The following SCFD1 variants were observed in gnomAD, a reference collection of about 807,000 sequenced individuals.
The protein encoded by SCFD1 is sec1 family domain containing 1.
SCFD1 carries 37 observed loss-of-function variants against 103.2 expected under a neutral mutation model. The ratio of observed to expected loss-of-function variants is 0.36; its 90% confidence interval spans 0.28 to 0.47. The LOEUF is 0.47. Among genes scored for constraint, SCFD1 ranks in the 20% least tolerant of loss-of-function variants. The pLI is 1.00. For missense variants in SCFD1, 639 were observed against 761.2 expected (o/e 0.84, Z 1.89); for synonymous variants, 264 against 245.0 (o/e 1.08, Z -0.73).
intron 14 of SCFD1, among the ~76,000 whole-genome samples, chr14:30,690,672 C>T (rs1193382364): frequency 2.0e-5 from 3 of 148,180 alleles, no homozygotes; most frequent in Non-Finnish European, 3.0e-5. Flanking sequence ...CTTCGGCTCG[C>T]GCACGGTGCG....
chr14:30,656,512 C>T (rs1382849033), intron 10 of SCFD1, among the ~76,000 whole-genome samples: 2 of 152,026 alleles, frequency 1.3e-5, no homozygotes, highest in African/African-American at 4.8e-5. Flanking sequence ...TCTCTAGGTG[C>T]CAGTGGAACT....
chr14:30,724,588 G>A, intron 23 of SCFD1, among the ~76,000 whole-genome samples: 1 of 152,030 alleles, frequency 6.6e-6, no homozygotes, highest in Non-Finnish European at 1.5e-5. Context: ...CCTTATAGAT[G>A]CGGGATATTA....
chr14:30,626,252 G>A (rs1485255459), intron 1 of SCFD1, among the ~76,000 whole-genome samples: 1 of 151,978 alleles, frequency 6.6e-6, no homozygotes, highest in Non-Finnish European at 1.5e-5. Flanking sequence ...TTGGTAATGT[G>A]TATTTTTGGC....
At chr14:30,709,675 G>A (rs148027496) in intron 19 of SCFD1, among the ~76,000 whole-genome samples, 57 of 152,228 alleles carry the variant, frequency 3.7e-4, no homozygotes, top group Non-Finnish European at 7.5e-4. Context: ...TAGACTATAT[G>A]TGAAAAGGCA....
At chr14:30,651,503 G>A (rs1451599303) in intron 9 of SCFD1, among the ~76,000 whole-genome samples, 1 of 150,888 alleles carries the variant, frequency 6.6e-6, no homozygotes, top group African/African-American at 2.4e-5. Context: ...TTCATTTCTG[G>A]TCTTAAGTAT....
At chr14:30,703,954 TATATATATAA>T (rs59637008) in intron 17 of SCFD1, among the ~76,000 whole-genome samples, 926 of 55,862 alleles carry the variant, frequency 0.017, 54 homozygotes, top group African/African-American at 0.081. Context: ...TATATATATA[TATATATATAA>T]ATAATGAGAT....
chr14:30,684,396 C>T (rs1251630998), intron 14 of SCFD1, among the ~76,000 whole-genome samples: 2 of 152,176 alleles, frequency 1.3e-5, no homozygotes, highest in Non-Finnish European at 2.9e-5. Context: ...TTGTTCTTTC[C>T]AAACCCTGTG....
chr14:30,698,945 G>A (rs1469530500), intron 15 of SCFD1, among the ~76,000 whole-genome samples: 2 of 152,166 alleles, frequency 1.3e-5, no homozygotes, highest in Non-Finnish European at 2.9e-5. Flanking sequence ...CTGACCACTG[G>A]TTCATGGGAC....
chr14:30,638,024 T>G, intron 4 of SCFD1, 101 bp from the exon 5 acceptor site: 1 of 1,317,596 alleles, frequency 7.6e-7, no homozygotes. Context: ...GTCATTTAAA[T>G]ATCCTGTCTT....
rs1005013668 is a variant in SCFD1 at position 30,709,410 on chromosome 14, T to G, written c.1629+1345T>G. Among the ~76,000 whole-genome samples the G allele has an allele frequency of 2.6e-5, 4 of 152,266 alleles. 1 individual carries two copies. The Middle Eastern group carries it at 0.01, about 388-fold the overall frequency. The stretch of plus-strand genomic sequence containing the variant: ...GCCACACCTGGCTAATCTTTGTATA[T>G]TTTGTAGAGATGGGGTTTCACTATG... On this transcript the variant is annotated intron_variant, in intron 19 of 24. Coordinates refer to ENST00000458591, the MANE Select transcript of SCFD1 (RefSeq NM_016106.4).
rs1481356832 is a variant in SCFD1 at position 30,625,724 on chromosome 14, T to G, written c.62-2485T>G. Among the ~76,000 whole-genome samples the G allele has an allele frequency of 2.6e-5, 2 of 77,082 alleles. 1 individual carries two copies. The highest frequency in any genetic ancestry group is 2.6e-4 in the African/African-American group (2 of 7,792). The allele number at this position is 77,082 out of a possible 152,430, so 50.6% of individuals were successfully genotyped here. On this transcript the variant is annotated intron_variant, in intron 1 of 24. Transcript: ENST00000458591. ...ATAGGTATATAGGTATATAGGTATA[T>G]AGGTATATCAATAGGTATATTGATA... is the stretch of plus-strand genomic sequence containing the variant.
chr14:30,730,878 G>T (rs1016935085), intron 23 of SCFD1, among the ~76,000 whole-genome samples: 6 of 152,018 alleles, frequency 3.9e-5, no homozygotes, highest in African/African-American at 1.5e-4. Context: ...GTCAATTTTG[G>T]CTTTTGTTGC....
intron 14 of SCFD1, chr14:30,676,438 G>A (rs2139232370): frequency 6.6e-6 from 1 of 152,312 alleles, no homozygotes; most frequent in South Asian, 2.1e-4. Context: ...ACAGCAGGGT[G>A]ATGTGAGGCA....
chr14:30,673,438 G>T, intron 12 of SCFD1, 91 bp downstream of exon 12: 1 of 592,200 alleles, frequency 1.7e-6, no homozygotes, highest in South Asian at 3.1e-5. Flanking sequence ...TATAAAAATT[G>T]AAGGCCATTT....
chr14:30,669,209 C>T (rs1013804123), intron 10 of SCFD1, among the ~76,000 whole-genome samples: 1 of 152,002 alleles, frequency 6.6e-6, no homozygotes, highest in South Asian at 2.1e-4. Context: ...CTAAAGGAGA[C>T]TGAATTGCAT....
At chr14:30,719,421 C>G in intron 21 of SCFD1, 44 bp downstream of exon 21, 2 of 1,421,906 alleles carry the variant, frequency 1.4e-6, no homozygotes, top group Non-Finnish European at 2.0e-6. Context: ...TTTTTCCCCT[C>G]GAGAATGGAA....
At chr14:30,710,650 T>G (rs1891807483) in intron 19 of SCFD1, among the ~76,000 whole-genome samples, 1 of 152,124 alleles carries the variant, frequency 6.6e-6, no homozygotes, top group African/African-American at 2.4e-5. Context: ...TTAATAAATA[T>G]TACCAAATTA....
chr14:30,720,293 G>A (rs1407096910), intron 21 of SCFD1, among the ~76,000 whole-genome samples: 6 of 152,130 alleles, frequency 3.9e-5, no homozygotes, highest in African/African-American at 1.4e-4. Flanking sequence ...GATGAGGATT[G>A]ACTGCTAATG....
intron 6 of SCFD1, among the ~76,000 whole-genome samples, chr14:30,642,492 C>T (rs1296516396): frequency 6.6e-6 from 1 of 152,184 alleles, no homozygotes; most frequent in Non-Finnish European, 1.5e-5. Context: ...AATTTTTCCC[C>T]ATATTCCCTG....
Sources: gnomAD v4.1 joint callset for allele counts (sites outside exome capture counted in the v4.1 genomes callset) on GRCh38, gnomAD v4.1.1 for gene constraint, MANE v1.5 for transcripts, NCBI Gene and HGNC (gene_info 2026-07-23, HGNC 2026-07-21) for gene names.